Variants in NUDT14 observed in about 807,000 individuals in gnomAD.
The protein encoded by NUDT14 is nudix hydrolase 14.
In NUDT14, 22 loss-of-function variants were observed where a neutral mutation model predicts 17.5. The ratio of observed to expected loss-of-function variants is 1.26; its 90% CI spans 0.90 to 1.80. The LOEUF (loss-of-function observed/expected upper bound fraction) is 1.80, where lower values mean the gene tolerates loss of function less well. NUDT14 is among the 40% of genes most tolerant of loss of function. The probability of loss-of-function intolerance (pLI) is 0.00; values close to 1 mark genes in which losing one functional copy is unlikely to be tolerated. For missense variants in NUDT14, 296 were observed against 295.6 expected (o/e 1.00, Z -0.01); for synonymous variants, 129 against 125.8 (o/e 1.03, Z -0.17).
At chr14:105,180,000 G>A (rs1480352404) in intron 1 of NUDT14, among the ~76,000 whole-genome samples, 2 of 152,224 alleles carry the variant, frequency 1.3e-5, no homozygotes, top group African/African-American at 4.8e-5. Context: ...GACTGACTGT[G>A]ACCAGGAAGG....
In NUDT14 at chr14:105,181,277, A is replaced by G; in HGVS notation, c.-68T>C. On this transcript the variant is annotated 5_prime_UTR_variant, in exon 1 of 5. Coordinates refer to ENST00000392568, the MANE Select transcript of NUDT14 (RefSeq NM_177533.5). The surrounding 1 kb of genome is among the most constrained non-coding windows in gnomAD (Gnocchi z 5.0). ...CGACACGGGGCGGCGCCCTGTCCCG[A>G]CAGGAGCCTTCGGGCGGGCGCGTGA... 3 of 626,148 alleles carry G rather than the reference A, an allele frequency of 4.8e-6. No homozygotes were observed. The highest frequency in any genetic ancestry group is 7.4e-5 in the East Asian group (1 of 13,514). The allele number at this position is 626,148 out of a possible 1,614,324, so 38.8% of individuals were successfully genotyped here.
chr14:105,177,439 C>T lies in NUDT14; in HGVS notation c.125+253G>A, dbSNP rs587746347. 8 of 563,026 alleles carry T rather than the reference C, an allele frequency of 1.4e-5. No individual in the cohort carries two copies. In the East Asian group the frequency reaches 1.5e-4, roughly 11 times the overall value. 34.9% of individuals were successfully genotyped at this position (563,026 alleles called of 1,614,324 possible). The stretch of plus-strand genomic sequence containing the variant: ...AGGGGCAAAGGCTCCAGGACAGCCT[C>T]TCCCTGCCCTGAGAGGGCCTGCCCA... On this transcript the variant is annotated intron_variant, in intron 2 of 4. Transcript: ENST00000392568.
chr14:105,176,084 G>C, intron 4 of NUDT14: 1 of 1,022,092 alleles, frequency 9.8e-7, no homozygotes, highest in South Asian at 1.7e-5. Flanking sequence ...GGTGCCTCGA[G>C]TTTGGTGGGT....
Position 105,181,178 on chromosome 14 carries a change from C to A in NUDT14, c.32G>T (p.Arg11Leu), listed in dbSNP as rs1193673277. The change falls in exon 1 of 5, where the codon CGC (arginine) becomes CTC (leucine). Residue 11 changes from arginine (R) to leucine (L), a missense_variant. By Grantham distance (102) the Arg-to-Leu change is moderately radical. Transcript: ENST00000392568. The surrounding 1 kb of genome is among the most constrained non-coding windows in gnomAD (Gnocchi z 5.0). Reference sequence around the variant, plus strand: ...CCGCAGGTAGGGTGAGGCGGCGCAGCGGCCCACGGACGCCCCCTCGATGCG... The same window carrying A: ...CCGCAGGTAGGGTGAGGCGGCGCAGAGGCCCACGGACGCCCCCTCGATGCG... MERIEGASVGRCAASPYLRPL... is the reference protein window; with the variant it reads MERIEGASVGLCAASPYLRPL... 13 of 1,182,942 alleles carry A rather than the reference C, an allele frequency of 1.1e-5. No individual in the cohort carries two copies. Among genetic ancestry groups the A allele is most frequent in the Non-Finnish European group, 1.4e-5 (13 of 947,868 alleles). 73.3% of individuals were successfully genotyped at this position (1,182,942 alleles called of 1,614,324 possible). A position where few individuals can be genotyped will look rare whatever the true frequency, so the allele number is the denominator to read the frequency against.
At chr14:105,176,001 T>C (rs1288681035) in intron 4 of NUDT14, 3 of 1,268,990 alleles carry the variant, frequency 2.4e-6, no homozygotes, top group African/African-American at 1.5e-5. Flanking sequence ...GGGAAGTGGA[T>C]GGGCTTCATA....
Position 105,179,736 on chromosome 14 carries a change from GC to G in NUDT14, c.81+1392del, listed in dbSNP as rs587625666. On this transcript the variant is annotated intron_variant, in intron 1 of 4. Coordinates refer to ENST00000392568, the MANE Select transcript of NUDT14 (RefSeq NM_177533.5). ...CCCCGACTGATCCCAGCTGCCCCCT[GC>G]CAGCACCACCAGCTTAGCTTCGCCT... Among the ~76,000 whole-genome samples, 37 of 152,332 alleles carry G rather than the reference GC, an allele frequency of 2.4e-4. 1 individual carries two copies. In the East Asian group the frequency reaches 6.9e-3, roughly 29 times the overall value.
chr14:105,177,863 G>A, intron 1 of NUDT14, 128 bp from the exon 2 acceptor site: 1 of 822,394 alleles, frequency 1.2e-6, no homozygotes, highest in Non-Finnish European at 2.0e-6. Context: ...GGGCCCACGG[G>A]AGCCAGGAAC....
chr14:105,173,254 C>A lies in NUDT14; in HGVS notation c.436G>T (p.Val146Leu). ...GTCTGTCTGGAGCCAGTCAGTCCCA[C>A]TCCAGACCTACGGGTTGAGACAGGG... ...LRRVATYWSG[V>L]GLTGSRQTMF... The change falls in exon 5 of 5, where the codon GTG becomes TTG. Residue 146 changes from valine to leucine, a missense_variant. Val to Leu is a conservative substitution (Grantham distance 32). Transcript: ENST00000392568. This position sits in a 1 kb window ranked among gnomAD's most constrained non-coding sequence, Gnocchi z 4.7. The A allele has an allele frequency of 6.5e-7, 1 of 1,547,606 alleles. No homozygotes were observed. The highest frequency in any genetic ancestry group is 2.0e-5 in the Admixed American group (1 of 50,238).
intron 2 of NUDT14, 40 bp downstream of exon 2, chr14:105,177,652 C>A: frequency 6.2e-7 from 1 of 1,604,468 alleles, no homozygotes; most frequent in South Asian, 1.1e-5. Context: ...AGACATCAGT[C>A]TGGGGCTTCC....
Position 105,179,451 on chromosome 14 carries a change from G to A in NUDT14, c.81+1678C>T, listed in dbSNP as rs61564342. ...TCCGTGTCCACCACAGCCACAGCCC[G>A]AACCAGCTCAGCTCTGGTCACCAGA... On this transcript the variant is annotated intron_variant, in intron 1 of 4. Coordinates refer to ENST00000392568, the MANE Select transcript of NUDT14 (RefSeq NM_177533.5). Among the ~76,000 whole-genome samples the A allele has an allele frequency of 5.7e-4, 87 of 152,346 alleles. No individual in the cohort carries two copies. In the East Asian group the frequency reaches 0.012, roughly 20 times the overall value.
At chr14:105,179,417 G>A (rs1274751523) in intron 1 of NUDT14, among the ~76,000 whole-genome samples, 3 of 152,222 alleles carry the variant, frequency 2.0e-5, no homozygotes, top group African/African-American at 4.8e-5. Flanking sequence ...CGCCCAGCCC[G>A]AGCCTACATC....
rs1179671071 is a variant in NUDT14 at position 105,177,030 on chromosome 14, G to C, written c.126-3C>G. The C allele has an allele frequency of 3.7e-6, 6 of 1,610,944 alleles. No individual in the cohort carries two copies. The East Asian group carries it at 1.1e-4, about 30-fold the overall frequency. On this transcript the variant is annotated splice_region_variant and splice_polypyrimidine_tract_variant and intron_variant, in intron 2 of 4. Transcript: ENST00000392568. Reference sequence around the variant, plus strand: ...AGTTGAATAAGAGAACGGTCACGCTGTGTACGGGGGGAGGGGCTCAGCACA... The same window carrying C: ...AGTTGAATAAGAGAACGGTCACGCTCTGTACGGGGGGAGGGGCTCAGCACA...
rs1566776398 is a variant in NUDT14, at chr14:105,173,275, C to T, written c.429-14G>A. On this transcript the variant is annotated splice_polypyrimidine_tract_variant and intron_variant, in intron 4 of 4. Coordinates refer to ENST00000392568, the MANE Select transcript of NUDT14 (RefSeq NM_177533.5). The surrounding 1 kb of genome is among the most constrained non-coding windows in gnomAD (Gnocchi z 4.7). Reference sequence around the variant, plus strand: ...CCCACTCCAGACCTACGGGTTGAGACAGGGTCTGCTGAGTCACCCACGCTG... The same window carrying T: ...CCCACTCCAGACCTACGGGTTGAGATAGGGTCTGCTGAGTCACCCACGCTG... 4 of 1,510,122 alleles carry T rather than the reference C, an allele frequency of 2.6e-6. No individual in the cohort carries two copies. The highest frequency in any genetic ancestry group is 2.5e-5 in the East Asian group (1 of 40,702). 93.5% of individuals were successfully genotyped at this position (1,510,122 alleles called of 1,614,324 possible). A position where few individuals can be genotyped will look rare whatever the true frequency, so the allele number is the denominator to read the frequency against.
chr14:105,177,224 C>T (rs1477124716), intron 2 of NUDT14, 197 bp from the exon 3 acceptor site: 1 of 655,966 alleles, frequency 1.5e-6, no homozygotes, highest in Non-Finnish European at 2.8e-6. Context: ...TGGCCAGGAC[C>T]CAGACCTGCT....
intron 4 of NUDT14, chr14:105,175,836 G>A (rs1889201011): frequency 5.6e-6 from 6 of 1,065,342 alleles, no homozygotes; most frequent in African/African-American, 1.7e-5. Context: ...GCTGACAGGT[G>A]CAGAGACTTC....
chr14:105,176,463 C>G (rs1889214044), intron 4 of NUDT14, 71 bp downstream of exon 4: 1 of 1,266,924 alleles, frequency 7.9e-7, no homozygotes. Context: ...TGCACACTCC[C>G]AGGGACGGGG....
Position 105,176,059 on chromosome 14 carries a change from C to T in NUDT14, c.428+475G>A, listed in dbSNP as rs960168813. On this transcript the variant is annotated intron_variant, in intron 4 of 4. Coordinates refer to ENST00000392568, the MANE Select transcript of NUDT14 (RefSeq NM_177533.5). ...CAACCCCACCCCAGCTGGCAGCCCT[C>T]GCGGGGCAAGAGTTGGTGCCTCGAG... The T allele has an allele frequency of 6.0e-6, 7 of 1,160,746 alleles. No homozygotes were observed. The African/African-American group carries it at 9.6e-5, about 16-fold the overall frequency. 71.9% of individuals were successfully genotyped at this position (1,160,746 alleles called of 1,614,324 possible).
chr14:105,180,284 T>C (rs1889298273), intron 1 of NUDT14, among the ~76,000 whole-genome samples: 1 of 152,050 alleles, frequency 6.6e-6, no homozygotes, highest in Admixed American at 6.6e-5. Flanking sequence ...TGGGCAACAG[T>C]GAGACGTCGT....
At chr14:105,176,062 G>A (rs1196951589) in intron 4 of NUDT14, 9 of 1,148,434 alleles carry the variant, frequency 7.8e-6, no homozygotes, top group Admixed American at 3.4e-5. Context: ...CAGCCCTCGC[G>A]GGGCAAGAGT....
Sources: gnomAD v4.1 joint callset for allele counts (sites outside exome capture counted in the v4.1 genomes callset) on GRCh38, gnomAD v4.1.1 for gene constraint, Gnocchi (gnomAD v3.1) non-coding constraint, MANE v1.5 for transcripts, NCBI Gene and HGNC (gene_info 2026-07-23, HGNC 2026-07-21) for gene names.